ANO3: variants seen among roughly 807,000 people sequenced by gnomAD.
ANO3 encodes anoctamin-3.
Under a neutral mutation model 144.8 loss-of-function variants are expected in ANO3, and 99 were observed. The observed-to-expected ratio is 0.68, with a 90% confidence interval of 0.58 to 0.81. The LOEUF (loss-of-function observed/expected upper bound fraction) is 0.81. Ranked by LOEUF, ANO3 falls within the 30% of genes least tolerant of loss-of-function variation. ANO3 has a pLI of 0.00. For missense variants in ANO3, 905 were observed against 1,202.2 expected (o/e 0.75, Z 3.66); for synonymous variants, 414 against 392.6 (o/e 1.05, Z -0.64).
At chr11:26,502,231 A>C (rs908351946) in intron 4 of ANO3, among the ~76,000 whole-genome samples, 4 of 151,986 alleles carry the variant, frequency 2.6e-5, no homozygotes, top group African/African-American at 4.8e-5. Flanking sequence ...GTTTTACCTG[A>C]TTTTTTTTAG....
intron 1 of ANO3, among the ~76,000 whole-genome samples, chr11:26,403,638 A>G (rs1857205832): frequency 6.6e-6 from 1 of 151,832 alleles, no homozygotes; most frequent in South Asian, 2.1e-4. Context: ...CTACCATTTG[A>G]CTGAATGCCT....
intron 1 of ANO3, among the ~76,000 whole-genome samples, chr11:26,401,407 C>T (rs575430159): frequency 1.4e-4 from 21 of 152,120 alleles, no homozygotes; most frequent in African/African-American, 4.6e-4. Flanking sequence ...CCATAGTATC[C>T]GCTTTCCTGG....
chr11:26,620,535 A>T (rs1270609292), intron 17 of ANO3, among the ~76,000 whole-genome samples: 7 of 152,102 alleles, frequency 4.6e-5, no homozygotes, highest in Admixed American at 3.3e-4. Flanking sequence ...AAAAATTTTT[A>T]AATTAAAGAA....
At chr11:26,323,420 C>T (rs796886458) in intron 1 of ANO3, among the ~76,000 whole-genome samples, 1 of 152,036 alleles carries the variant, frequency 6.6e-6, no homozygotes, top group East Asian at 1.9e-4. Flanking sequence ...ATGGATTCTC[C>T]CCCCAGACTT....
intron 1 of ANO3, among the ~76,000 whole-genome samples, chr11:26,192,119 G>A (rs563981145): frequency 2.0e-5 from 3 of 152,156 alleles, no homozygotes; most frequent in South Asian, 4.2e-4. Flanking sequence ...GATATTGTGT[G>A]GAAATTATCA....
At chr11:26,447,944 A>G (rs1342563883) in intron 3 of ANO3, among the ~76,000 whole-genome samples, 3 of 152,196 alleles carry the variant, frequency 2.0e-5, no homozygotes, top group Non-Finnish European at 4.4e-5. Context: ...CCACGTTAAC[A>G]AGTGCCTGAT....
At chr11:26,600,636 C>T (rs1851777951) in intron 17 of ANO3, among the ~76,000 whole-genome samples, 1 of 138,590 alleles carries the variant, frequency 7.2e-6, no homozygotes, top group African/African-American at 2.7e-5. Flanking sequence ...CCCTCCTTCC[C>T]TCCCTCCCTT....
At chr11:26,316,277 G>A (rs763943263) in intron 1 of ANO3, among the ~76,000 whole-genome samples, 1 of 152,166 alleles carries the variant, frequency 6.6e-6, no homozygotes, top group African/African-American at 2.4e-5. Context: ...CAATGCACTG[G>A]ATATACCAGC....
chr11:26,474,336 T>G (rs936443911), intron 4 of ANO3, among the ~76,000 whole-genome samples: 2 of 151,966 alleles, frequency 1.3e-5, no homozygotes, highest in Admixed American at 1.3e-4. Flanking sequence ...ATCTTGCATG[T>G]AAACCAAATA....
At chr11:26,638,961 A>G (rs942946417) in intron 20 of ANO3, among the ~76,000 whole-genome samples, 183 bp from the exon 21 acceptor site, 21 of 152,136 alleles carry the variant, frequency 1.4e-4, no homozygotes, top group African/African-American at 5.1e-4. Context: ...ATTTCGTTAT[A>G]ATTACTGAAG....
chr11:26,272,511 T>C (rs1853464161), intron 1 of ANO3, among the ~76,000 whole-genome samples: 1 of 152,138 alleles, frequency 6.6e-6, no homozygotes, highest in Admixed American at 6.6e-5. Context: ...TCTAATATGA[T>C]TCCAGAAAGA....
At chr11:26,350,289 C>T (rs1855611273) in intron 1 of ANO3, among the ~76,000 whole-genome samples, 1 of 152,094 alleles carries the variant, frequency 6.6e-6, no homozygotes, top group Non-Finnish European at 1.5e-5. Flanking sequence ...GTGGGCCCCG[C>T]ACAAGTATGG....
intron 1 of ANO3, chr11:26,427,116 C>T (rs1318535523): frequency 5.2e-6 from 1 of 192,220 alleles, no homozygotes; most frequent in Non-Finnish European, 1.1e-5. Context: ...AGGGAGTCAC[C>T]TCTATGTCAT....
intron 11 of ANO3, among the ~76,000 whole-genome samples, chr11:26,546,288 A>C (rs542351400): frequency 1.3e-5 from 2 of 151,990 alleles, no homozygotes; most frequent in South Asian, 4.1e-4. Flanking sequence ...AGAGATAAAT[A>C]AAATGAAAAA....
At chr11:26,291,099 T>C (rs1054191516) in intron 1 of ANO3, among the ~76,000 whole-genome samples, 1 of 152,224 alleles carries the variant, frequency 6.6e-6, no homozygotes, top group Non-Finnish European at 1.5e-5. Context: ...GCTCCTGTAT[T>C]GGGTGCATAT....
chr11:26,463,106 T>C lies in ANO3; in HGVS notation c.390T>C (p.Phe130=), dbSNP rs1859474912. 4 of 1,594,346 alleles carry C rather than the reference T, an allele frequency of 2.5e-6. No homozygotes were observed. In the South Asian group the frequency reaches 3.4e-5, roughly 14 times the overall value. The change falls in exon 4 of 27, where the codon TTT becomes TTC. Residue 130 remains phenylalanine, a synonymous_variant. Coordinates refer to ENST00000256737, the MANE Select transcript of ANO3 (RefSeq NM_031418.4). ...ACCGATCTCGTCTCATTAATGACTT[T>C]GTTATCAAAGATAAATCTGAATTCA... The part of the protein sequence containing the change: ...TYDRSRLIND[F]VIKDKSEFKT...
Position 26,353,790 on chromosome 11 carries a change from G to A in ANO3, c.46+21469G>A, listed in dbSNP as rs746836050. On this transcript the variant is annotated intron_variant, in intron 1 of 26. Coordinates refer to ENST00000256737, the MANE Select transcript of ANO3 (RefSeq NM_031418.4). ...TCATCATGTTGGCCAGGATGATCTC[G>A]ATCTCCTGACCTCGTGATCCGCCTG... Among the ~76,000 whole-genome samples, 14 of 152,072 alleles carry A rather than the reference G, an allele frequency of 9.2e-5. No individual in the cohort carries two copies. The South Asian group carries it at 1.9e-3, about 20-fold the overall frequency.
chr11:26,570,683 G>C (rs1418402208), intron 14 of ANO3, among the ~76,000 whole-genome samples: 1 of 152,108 alleles, frequency 6.6e-6, no homozygotes, highest in Non-Finnish European at 1.5e-5. Context: ...TCTTCTCACA[G>C]ATGTTAGGCT....
At chr11:26,441,864 T>C in intron 1 of ANO3, 54 bp from the exon 2 acceptor site, 1 of 1,349,982 alleles carries the variant, frequency 7.4e-7, no homozygotes, top group Non-Finnish European at 1.0e-6. Flanking sequence ...AACTTTTTAT[T>C]GACCTCTACT....
Sources: gnomAD v4.1 joint callset for allele counts (sites outside exome capture counted in the v4.1 genomes callset) on GRCh38, gnomAD v4.1.1 for gene constraint, MANE v1.5 for transcripts, NCBI Gene and HGNC (gene_info 2026-07-23, HGNC 2026-07-21) for gene names.